The following SLC12A6 variants were observed in gnomAD, a reference collection of about 807,000 sequenced individuals.
The protein encoded by SLC12A6 is K-Cl cotransporter 3.
A neutral mutation model predicts 135.3 loss-of-function variants in SLC12A6; 66 were observed. The ratio of observed to expected loss-of-function variants is 0.49; its 90% CI spans 0.40 to 0.60. SLC12A6 has a LOEUF of 0.60. Among genes scored for constraint, SLC12A6 ranks in the 20% least tolerant of loss-of-function variants. The probability of loss-of-function intolerance (pLI) is 0.00; values close to 1 mark genes in which losing one functional copy is unlikely to be tolerated. For missense variants in SLC12A6, 1,058 were observed against 1,452.3 expected, an observed-to-expected ratio of 0.73 and a Z score of 4.41; for synonymous variants, 513 against 508.8, an observed-to-expected ratio of 1.01 and a Z score of -0.11.
chr15:34,240,545 G>C, intron 19 of SLC12A6, 116 bp downstream of exon 19: 1 of 914,390 alleles, frequency 1.1e-6, no homozygotes, highest in Non-Finnish European at 1.8e-6. Context: ...TCAGCACTAA[G>C]TGAGAAACCT....
chr15:34,260,785 CTAT>C, intron 4 of SLC12A6, 138 bp downstream of exon 4: 1 of 618,114 alleles, frequency 1.6e-6, no homozygotes, highest in South Asian at 1.8e-5. Context: ...ACAAAATTTA[CTAT>C]AATAACAAGT....
chr15:34,286,036 T>C (rs1895049662), intron 2 of SLC12A6, among the ~76,000 whole-genome samples: 1 of 151,934 alleles, frequency 6.6e-6, no homozygotes, highest in Non-Finnish European at 1.5e-5. Context: ...TACTGAACTA[T>C]ACACTAAAAA....
At chr15:34,281,423 C>T (rs545270153) in intron 2 of SLC12A6, among the ~76,000 whole-genome samples, 2 of 152,258 alleles carry the variant, frequency 1.3e-5, no homozygotes, top group African/African-American at 2.4e-5. Context: ...ATCCTCTTTA[C>T]ATAATATATT....
intron 24 of SLC12A6, 86 bp downstream of exon 24, chr15:34,235,929 G>A: frequency 9.8e-7 from 1 of 1,024,952 alleles, no homozygotes; most frequent in Non-Finnish European, 1.6e-6. Context: ...GAAATGAACA[G>A]ACTCCATCCT....
chr15:34,253,200 T>C (rs1170741753), intron 9 of SLC12A6, among the ~76,000 whole-genome samples: 1 of 152,242 alleles, frequency 6.6e-6, no homozygotes, highest in Non-Finnish European at 1.5e-5. Context: ...CATGTACCTA[T>C]TACTCAGCTT....
At chr15:34,242,670 A>T (rs1223921889) in intron 16 of SLC12A6, among the ~76,000 whole-genome samples, 6 of 152,216 alleles carry the variant, frequency 3.9e-5, no homozygotes, top group African/African-American at 7.2e-5. Context: ...TTTTTAAAAA[A>T]TTTCATATAA....
At chr15:34,327,584 T>G (rs347831) in intron 2 of SLC12A6, among the ~76,000 whole-genome samples, 39,422 of 151,668 alleles carry the variant, frequency 0.26, 7,301 homozygotes, top group African/African-American at 0.53. Flanking sequence ...CTTGAACCTG[T>G]GAGGCGGAGG....
intron 6 of SLC12A6, 81 bp downstream of exon 6, chr15:34,257,561 T>C: frequency 9.7e-7 from 1 of 1,033,122 alleles, no homozygotes; most frequent in Non-Finnish European, 1.5e-6. Context: ...TTCTTTGTTT[T>C]ATTCCCAAAG....
Position 34,241,235 on chromosome 15 carries a change from C to T in SLC12A6, c.2265G>A (p.Trp755Ter). Residue 755 changes from tryptophan to a stop codon, truncating the protein, a stop_gained and splice_region_variant, in exon 18 of 26, where the codon TGG (tryptophan) becomes TGA (stop). Transcript: ENST00000354181. LOFTEE classifies it high-confidence loss of function. Reference sequence around the variant, plus strand: ...ACTGCTAGTGTTGATTTCTTTACCTCCAGTTTTTAGTGTGTGGAGGTCCTT... The same window carrying T: ...ACTGCTAGTGTTGATTTCTTTACCTTCAGTTTTTAGTGTGTGGAGGTCCTT... ...LEEGPPHTKN[W>*]RPQLLVLLKL... 6.5e-7 allele frequency: 1 copy of T among 1,535,638 alleles called. No individual in the cohort carries two copies. The highest frequency in any genetic ancestry group is 9.0e-7 in the Non-Finnish European group (1 of 1,108,390).
intron 2 of SLC12A6, among the ~76,000 whole-genome samples, chr15:34,330,385 A>G (rs1889756135): frequency 6.6e-6 from 1 of 152,214 alleles, no homozygotes; most frequent in South Asian, 2.1e-4. Context: ...GTTAAGGTAT[A>G]TAACCAGCTG....
At chr15:34,300,185 C>G (rs1231840224) in intron 2 of SLC12A6, among the ~76,000 whole-genome samples, 2 of 152,018 alleles carry the variant, frequency 1.3e-5, no homozygotes, top group Non-Finnish European at 2.9e-5. Context: ...TGAACGACAA[C>G]AAGGAAGGTG....
intron 2 of SLC12A6, among the ~76,000 whole-genome samples, chr15:34,317,933 A>G (rs951629997): frequency 1.3e-5 from 2 of 152,192 alleles, no homozygotes; most frequent in African/African-American, 2.4e-5. Context: ...AGAAAATAAT[A>G]GGGATAATCA....
chr15:34,287,166 T>C (rs1895145241), intron 2 of SLC12A6, among the ~76,000 whole-genome samples: 1 of 152,178 alleles, frequency 6.6e-6, no homozygotes, highest in African/African-American at 2.4e-5. Flanking sequence ...TGGTGTGTGA[T>C]GTTCCCCTCC....
At chr15:34,310,209 C>T (rs1309211165) in intron 2 of SLC12A6, among the ~76,000 whole-genome samples, 1 of 99,552 alleles carries the variant, frequency 1.0e-5, no homozygotes, top group Non-Finnish European at 2.1e-5. Context: ...GTGTGTGTGT[C>T]CCTGTGTCCA....
intron 3 of SLC12A6, among the ~76,000 whole-genome samples, chr15:34,265,309 T>C (rs759124291): frequency 1.3e-5 from 2 of 151,554 alleles, no homozygotes; most frequent in South Asian, 4.1e-4. Context: ...CCTAGAGATA[T>C]AGCAGTGGAC....
At chr15:34,286,288 C>T (rs1895072486) in intron 2 of SLC12A6, among the ~76,000 whole-genome samples, 1 of 151,600 alleles carries the variant, frequency 6.6e-6, no homozygotes, top group African/African-American at 2.4e-5. Flanking sequence ...ATTGTCCAGG[C>T]TGGCCTCAAA....
chr15:34,273,855 G>T (rs993476828), intron 3 of SLC12A6, among the ~76,000 whole-genome samples: 2 of 151,552 alleles, frequency 1.3e-5, no homozygotes, highest in Non-Finnish European at 2.9e-5. Context: ...ATTAGGTAAA[G>T]AAACTATTTT....
intron 2 of SLC12A6, among the ~76,000 whole-genome samples, chr15:34,293,901 C>A (rs1895708496): frequency 6.6e-6 from 1 of 152,190 alleles, no homozygotes; most frequent in Non-Finnish European, 1.5e-5. Context: ...CCATGCCCAG[C>A]CAGGGCTGAT....
chr15:34,317,446 GTA>G (rs1414906552), intron 2 of SLC12A6, among the ~76,000 whole-genome samples: 1 of 152,198 alleles, frequency 6.6e-6, no homozygotes, highest in East Asian at 1.9e-4. Context: ...GCTCACACCT[GTA>G]ATCCCAGCAC....
Sources: allele counts gnomAD v4.1 joint callset (sites outside exome capture counted in the v4.1 genomes callset), GRCh38; gene constraint gnomAD v4.1.1; transcripts MANE v1.5; gene names NCBI Gene and HGNC (gene_info 2026-07-23, HGNC 2026-07-21).